TWIST2: variants seen among roughly 807,000 people sequenced by gnomAD.
TWIST2 encodes the protein twist-related protein 2.
Under a neutral mutation model 11.6 loss-of-function variants are expected in TWIST2, and 1 was observed. That is an observed-to-expected ratio of 0.09 (90% confidence interval 0.03 to 0.41). TWIST2 has a LOEUF of 0.41. Ranked by LOEUF, TWIST2 falls within the 10% of genes least tolerant of loss-of-function variation. The pLI, the probability that TWIST2 is intolerant of heterozygous loss-of-function variation, is 0.98. For missense variants in TWIST2, 168 were observed against 226.4 expected (o/e 0.74, Z 1.66); for synonymous variants, 87 against 96.6 (o/e 0.90, Z 0.58).
At chr2:238,860,161 C>A (rs972169754) in intron 1 of TWIST2, among the ~76,000 whole-genome samples, 2 of 152,180 alleles carry the variant, frequency 1.3e-5, no homozygotes, top group Non-Finnish European at 2.9e-5. Context: ...GCTCAGAGGC[C>A]CTCAAGGGGT....
intron 1 of TWIST2, among the ~76,000 whole-genome samples, chr2:238,893,632 A>T (rs1237813295): frequency 6.6e-6 from 1 of 152,198 alleles, no homozygotes; most frequent in Non-Finnish European, 1.5e-5. Context: ...CAGAACCTGG[A>T]ACACGGGCGC....
At chr2:238,897,436 C>T (rs1693219678) in intron 1 of TWIST2, among the ~76,000 whole-genome samples, 1 of 152,150 alleles carries the variant, frequency 6.6e-6, no homozygotes, top group South Asian at 2.1e-4. Context: ...CCCTTGCCAC[C>T]TTCCCCCTAC....
rs1202406418 is a variant in TWIST2, at chr2:238,864,059, TC to T, written c.*35+15328del. Among the ~76,000 whole-genome samples the T allele has an allele frequency of 6.6e-6, 1 of 152,160 alleles. No individual in the cohort carries two copies. The highest frequency in any genetic ancestry group is 2.4e-5 in the African/African-American group (1 of 41,430). On this transcript the variant is annotated intron_variant, in intron 1 of 1. Transcript: ENST00000612363. The surrounding 1 kb of genome is among the most constrained non-coding windows in gnomAD (Gnocchi z 4.7). ...AATCTAATTTTCGTTAAGCCTGTCTTCCTTTACACCCTGGGCTACATTTGAC... is the reference window on the plus strand; with the variant it reads ...AATCTAATTTTCGTTAAGCCTGTCTTCTTTACACCCTGGGCTACATTTGAC...
intron 1 of TWIST2, among the ~76,000 whole-genome samples, chr2:238,872,817 A>G (rs1692731018): frequency 6.6e-6 from 1 of 152,236 alleles, no homozygotes; most frequent in Admixed American, 6.5e-5. Flanking sequence ...CATACGGCCC[A>G]GAGGCACACG....
Position 238,867,390 on chromosome 2 carries a change from C to CACACACACACACAA in TWIST2, c.*35+18670_*35+18671insAACACACACACACA, listed in dbSNP as rs1692561406. ...CCTTCAACACACACACACACACACA[C>CACACACACACACAA]ACACACACACACACACACACACTCC... is the stretch of plus-strand genomic sequence containing the variant. On this transcript the variant is annotated intron_variant, in intron 1 of 1. Coordinates refer to ENST00000612363, the MANE Select transcript of TWIST2 (RefSeq NM_001271893.4). This position sits in a 1 kb window ranked among gnomAD's most constrained non-coding sequence, Gnocchi z 4.8. Among the ~76,000 whole-genome samples the CACACACACACACAA allele has an allele frequency of 1.3e-5, 2 of 150,842 alleles. No individual in the cohort carries two copies. The highest frequency in any genetic ancestry group is 4.9e-5 in the African/African-American group (2 of 41,064).
At chr2:238,849,957 C>CT (rs1334329317) in intron 1 of TWIST2, among the ~76,000 whole-genome samples, 2 of 152,210 alleles carry the variant, frequency 1.3e-5, no homozygotes, top group African/African-American at 4.8e-5. Context: ...ATAAAAGACT[C>CT]TACTTCACAC....
At position 238,867,370 on chromosome 2, in the gene TWIST2, AACACACACACAC is replaced by A. The variant is rs1229428285; in HGVS notation, c.*35+18668_*35+18679del. On this transcript the variant is annotated intron_variant, in intron 1 of 1. Transcript: ENST00000612363. This position sits in a 1 kb window ranked among gnomAD's most constrained non-coding sequence, Gnocchi z 4.8. ...CTGGGGAGTAAAATGTCCTGCCTTCAACACACACACACACACACACACACACACACACACACA... is the reference window on the plus strand; with the variant it reads ...CTGGGGAGTAAAATGTCCTGCCTTCAACACACACACACACACACACACACA... Among the ~76,000 whole-genome samples, 27 of 119,738 alleles carry A rather than the reference AACACACACACAC, an allele frequency of 2.3e-4. 1 individual carries two copies. Among genetic ancestry groups the A allele is most frequent in the East Asian group, 2.0e-3 (8 of 3,954 alleles). The allele number at this position is 119,738 out of a possible 152,430, so 78.6% of individuals were successfully genotyped here.
chr2:238,875,062 A>T (rs142390077), intron 1 of TWIST2, among the ~76,000 whole-genome samples: 161 of 152,242 alleles, frequency 1.1e-3, no homozygotes, highest in African/African-American at 3.8e-3. Context: ...AGCTGGAAGG[A>T]TTTATTTTTC....
chr2:238,862,567 G>A (rs551409991), intron 1 of TWIST2, among the ~76,000 whole-genome samples: 1 of 152,342 alleles, frequency 6.6e-6, no homozygotes, highest in East Asian at 1.9e-4. Context: ...TATTGAGGAA[G>A]GTGGGGGAAC....
At chr2:238,899,305 G>A (rs1020641590) in intron 1 of TWIST2, among the ~76,000 whole-genome samples, 1 of 152,244 alleles carries the variant, frequency 6.6e-6, no homozygotes, top group Non-Finnish European at 1.5e-5. Context: ...CCCAGTTGGG[G>A]AAGAAAACAG....
intron 1 of TWIST2, among the ~76,000 whole-genome samples, chr2:238,895,536 C>T (rs968368486): frequency 3.5e-4 from 54 of 152,318 alleles, no homozygotes; most frequent in African/African-American, 1.2e-3. Flanking sequence ...ACTTGCAGGG[C>T]CCAGGTACTG....
chr2:238,871,131 A>G (rs1362027299), intron 1 of TWIST2, among the ~76,000 whole-genome samples: 2 of 14,354 alleles, frequency 1.4e-4, no homozygotes, highest in African/African-American at 6.5e-4. Context: ...ACCACACCCC[A>G]TACACACCAC....
chr2:238,901,759 A>G (rs1693270863), intron 1 of TWIST2, among the ~76,000 whole-genome samples: 2 of 152,136 alleles, frequency 1.3e-5, no homozygotes, highest in East Asian at 3.9e-4. Flanking sequence ...AGGAGAAGAG[A>G]GGAGTGGCTT....
intron 1 of TWIST2, among the ~76,000 whole-genome samples, chr2:238,885,354 G>T (rs1220644797): frequency 6.6e-6 from 1 of 152,216 alleles, no homozygotes; most frequent in African/African-American, 2.4e-5. Context: ...TCCAGGCAAA[G>T]TGGTGGAAAA....
At chr2:238,907,562 C>T (rs942700427) in intron 1 of TWIST2, among the ~76,000 whole-genome samples, 10,788 of 152,100 alleles carry the variant, frequency 0.071, 714 homozygotes, top group African/African-American at 0.18. Flanking sequence ...CCCACAAGTG[C>T]GCTTAGAAGT....
intron 1 of TWIST2, among the ~76,000 whole-genome samples, chr2:238,877,320 A>T (rs1692825155): frequency 6.6e-6 from 1 of 152,226 alleles, no homozygotes; most frequent in Admixed American, 6.5e-5. Context: ...TATATGGATT[A>T]TGAAAAAGAA....
At chr2:238,898,829 C>G (rs1182756411) in intron 1 of TWIST2, among the ~76,000 whole-genome samples, 2 of 152,268 alleles carry the variant, frequency 1.3e-5, no homozygotes, top group African/African-American at 4.8e-5. Flanking sequence ...CCGGCCCTTG[C>G]ATCTTGTGGC....
intron 1 of TWIST2, among the ~76,000 whole-genome samples, chr2:238,859,212 C>CAA (rs544641770): frequency 0.017 from 2,379 of 139,540 alleles, 68 homozygotes; most frequent in East Asian, 0.17. Flanking sequence ...CACTCCGTCT[C>CAA]AAAAAAAAAA....
At chr2:238,890,468 G>T (rs911362381) in intron 1 of TWIST2, among the ~76,000 whole-genome samples, 5 of 152,208 alleles carry the variant, frequency 3.3e-5, no homozygotes, top group African/African-American at 1.2e-4. Context: ...AAAGCCACAC[G>T]ATCCAGGTGA....
Sources: allele counts gnomAD v4.1 joint callset (sites outside exome capture counted in the v4.1 genomes callset), GRCh38; gene constraint gnomAD v4.1.1; non-coding constraint Gnocchi (gnomAD v3.1); transcripts MANE v1.5; gene names NCBI Gene and HGNC (gene_info 2026-07-23, HGNC 2026-07-21).